CSMD3: variants seen among roughly 807,000 people sequenced by gnomAD.
CSMD3 encodes the protein CUB and sushi domain-containing protein 3.
Under a neutral mutation model 435.2 loss-of-function variants are expected in CSMD3, and 177 were observed. That is an observed-to-expected ratio of 0.41 (90% CI 0.36 to 0.46). The LOEUF (loss-of-function observed/expected upper bound fraction) is 0.46, where lower values mean the gene tolerates loss of function less well. CSMD3 is among the 20% of genes least tolerant of loss of function. The pLI is 0.34. For synonymous variants in CSMD3, 1,656 were observed against 1,520.5 expected, an observed-to-expected ratio of 1.09 and a Z score of -2.07; for missense variants, 4,265 against 4,504.6, an observed-to-expected ratio of 0.95 and a Z score of 1.52.
intron 1 of CSMD3, among the ~76,000 whole-genome samples, chr8:113,423,993 G>A (rs1588700162): frequency 6.6e-6 from 1 of 151,860 alleles, no homozygotes; most frequent in East Asian, 1.9e-4. Flanking sequence ...TATTTGTTGT[G>A]TTAATAGACA....
intron 4 of CSMD3, 76 bp from the exon 5 acceptor site, chr8:113,099,039 C>A: frequency 2.2e-6 from 2 of 926,800 alleles, no homozygotes; most frequent in East Asian, 2.5e-5. Flanking sequence ...TAAAGCAAGT[C>A]AATATGTTTG....
At chr8:113,043,161 A>G (rs2087693546) in intron 5 of CSMD3, among the ~76,000 whole-genome samples, 1 of 152,218 alleles carries the variant, frequency 6.6e-6, no homozygotes, top group Admixed American at 6.5e-5. Context: ...AAACACATAC[A>G]TAATAGGTCA....
chr8:113,406,316 C>A (rs2094532591), intron 1 of CSMD3, among the ~76,000 whole-genome samples: 1 of 151,700 alleles, frequency 6.6e-6, no homozygotes, highest in Non-Finnish European at 1.5e-5. Flanking sequence ...TTGGGGGAAC[C>A]ATGAGAGGTA....
chr8:113,186,236 A>C (rs2092499502), intron 3 of CSMD3, among the ~76,000 whole-genome samples: 2 of 151,974 alleles, frequency 1.3e-5, no homozygotes, highest in Non-Finnish European at 2.9e-5. Context: ...CCTTTTAATA[A>C]GATAGGTTTC....
intron 38 of CSMD3, among the ~76,000 whole-genome samples, chr8:112,365,315 T>C (rs1156343800): frequency 6.6e-6 from 1 of 152,034 alleles, no homozygotes; most frequent in East Asian, 1.9e-4. Context: ...TATTTATATG[T>C]TAGGTAATTT....
At chr8:113,431,772 T>A (rs117033368) in intron 1 of CSMD3, among the ~76,000 whole-genome samples, 3,738 of 151,778 alleles carry the variant, frequency 0.025, 67 homozygotes, top group Non-Finnish European at 0.041. Context: ...CCTCTCCTAC[T>A]TTTTTTGTTT....
intron 1 of CSMD3, among the ~76,000 whole-genome samples, chr8:113,359,772 C>G (rs1485960513): frequency 6.6e-6 from 1 of 152,170 alleles, no homozygotes; most frequent in African/African-American, 2.4e-5. Flanking sequence ...ATTTTACATT[C>G]TGTATTATAT....
rs777013124 is a variant in CSMD3 at position 112,406,770 on chromosome 8, C to G, written c.5606-43G>C. ...ATTTATTTTAATTTTATATGGTAGA[C>G]AAATACAGATTTCAAAATGTAACTG... On this transcript the variant is annotated intron_variant, in intron 34 of 70. Transcript: ENST00000297405. 1.0e-5 allele frequency: 13 copies of G among 1,242,372 alleles called. No individual in the cohort carries two copies. The South Asian group carries it at 1.2e-4, about 11-fold the overall frequency. The allele number at this position is 1,242,372 out of a possible 1,614,324, so 77.0% of individuals were successfully genotyped here.
intron 22 of CSMD3, among the ~76,000 whole-genome samples, chr8:112,619,456 T>C (rs554783884): frequency 1.7e-3 from 255 of 152,172 alleles, no homozygotes; most frequent in African/African-American, 5.4e-3. Context: ...TTAACTACTA[T>C]TTCATACATT....
At chr8:112,554,078 C>G (rs1172172309) in intron 25 of CSMD3, among the ~76,000 whole-genome samples, 1 of 151,984 alleles carries the variant, frequency 6.6e-6, no homozygotes, top group Non-Finnish European at 1.5e-5. Context: ...GCCTCAGTTT[C>G]TAAGCTATTA....
intron 5 of CSMD3, among the ~76,000 whole-genome samples, chr8:113,048,778 G>A (rs1221903332): frequency 6.6e-6 from 1 of 152,056 alleles, no homozygotes; most frequent in African/African-American, 2.4e-5. Flanking sequence ...CTTGTCCTGT[G>A]TCTACCTTCA....
intron 53 of CSMD3, among the ~76,000 whole-genome samples, chr8:112,297,271 A>G (rs575812623): frequency 5.9e-5 from 9 of 151,530 alleles, no homozygotes; most frequent in Non-Finnish European, 8.9e-5. Context: ...AAAAAATTAA[A>G]AAGTACCAAA....
intron 5 of CSMD3, among the ~76,000 whole-genome samples, chr8:113,051,829 T>C (rs1564256607): frequency 6.6e-6 from 1 of 152,188 alleles, no homozygotes; most frequent in Non-Finnish European, 1.5e-5. Flanking sequence ...TAACCTTCAA[T>C]GAAAAGTCAT....
intron 5 of CSMD3, among the ~76,000 whole-genome samples, chr8:113,069,118 A>C (rs1219318700): frequency 1.3e-5 from 2 of 152,114 alleles, no homozygotes; most frequent in African/African-American, 2.4e-5. Context: ...GCCAAAAAAA[A>C]CCACACAAAT....
At chr8:112,490,759 T>G (rs1184664803) in intron 31 of CSMD3, among the ~76,000 whole-genome samples, 1 of 152,158 alleles carries the variant, frequency 6.6e-6, no homozygotes, top group Admixed American at 6.5e-5. Context: ...TTAATATTTT[T>G]TTCTAGCTAA....
intron 44 of CSMD3, among the ~76,000 whole-genome samples, chr8:112,335,806 T>A (rs933964943): frequency 1.3e-5 from 2 of 152,004 alleles, no homozygotes; most frequent in African/African-American, 4.8e-5. Flanking sequence ...TTTATTTTCT[T>A]CAGCAACAGT....
At chr8:112,883,014 C>T (rs927190284) in intron 10 of CSMD3, among the ~76,000 whole-genome samples, 1 of 151,906 alleles carries the variant, frequency 6.6e-6, no homozygotes, top group African/African-American at 2.4e-5. Flanking sequence ...TTCTGAAAAG[C>T]ACACAGTGGG....
chr8:113,307,605 A>G (rs1324041652), intron 2 of CSMD3, among the ~76,000 whole-genome samples: 1 of 152,212 alleles, frequency 6.6e-6, no homozygotes, highest in Non-Finnish European at 1.5e-5. Flanking sequence ...AGATTGGAAG[A>G]AAATAATTGC....
At chr8:113,162,571 CAAAAAA>C (rs753811903) in intron 4 of CSMD3, among the ~76,000 whole-genome samples, 5 of 59,802 alleles carry the variant, frequency 8.4e-5, no homozygotes, top group South Asian at 1.0e-3. Context: ...GTCCCCACAT[CAAAAAA>C]AAAAAAAAAA....
Sources: gnomAD v4.1 joint callset for allele counts (sites outside exome capture counted in the v4.1 genomes callset) on GRCh38, gnomAD v4.1.1 for gene constraint, MANE v1.5 for transcripts, NCBI Gene and HGNC (gene_info 2026-07-23, HGNC 2026-07-21) for gene names.